The following NIPAL3 variants were observed in gnomAD, a reference collection of about 807,000 sequenced individuals.
The protein encoded by NIPAL3 is NIPA like domain containing 3.
A neutral mutation model predicts 47.2 loss-of-function variants in NIPAL3; 41 were observed. The observed-to-expected ratio is 0.87, with a 90% CI of 0.68 to 1.13. The LOEUF is 1.13. NIPAL3 is among the 50% of genes most tolerant of loss of function. The pLI, the probability that NIPAL3 is intolerant of heterozygous loss-of-function variation, is 0.00. For synonymous variants in NIPAL3, 194 were observed against 209.6 expected, an observed-to-expected ratio of 0.93 and a Z score of 0.64; for missense variants, 449 against 530.1, an observed-to-expected ratio of 0.85 and a Z score of 1.50.
chr1:24,472,862 G>A lies in NIPAL3; in HGVS notation c.*3677G>A, dbSNP rs554642828. 13 of 151,978 alleles carry A rather than the reference G, an allele frequency of 8.6e-5. No individual in the cohort carries two copies. The highest frequency in any genetic ancestry group is 4.2e-4 in the South Asian group (2 of 4,810). The allele number at this position is 151,978 out of a possible 1,614,324, so 9.4% of individuals were successfully genotyped here. ...AGTCACCTTAGAATATATTCTGTGC[G>A]GATGCTTATATTTTGTTAACTTCAC... On this transcript the variant is annotated 3_prime_UTR_variant, in exon 12 of 12. Coordinates refer to ENST00000374399, the MANE Select transcript of NIPAL3 (RefSeq NM_020448.5).
At chr1:24,431,190 G>A (rs148728604) in intron 2 of NIPAL3, among the ~76,000 whole-genome samples, 8 of 152,246 alleles carry the variant, frequency 5.3e-5, no homozygotes, top group Non-Finnish European at 1.2e-4. Context: ...TGGGATGGGC[G>A]TTACAGCATC....
rs143299584 is a variant in NIPAL3 at position 24,420,746 on chromosome 1, C to T, written c.93+1106C>T. ...CTTTTCGAATGATTGCCCAATAATCCGTTGAGCTGCTGTGTCAAAATTTGC... is the reference window on the plus strand; with the variant it reads ...CTTTTCGAATGATTGCCCAATAATCTGTTGAGCTGCTGTGTCAAAATTTGC... On this transcript the variant is annotated intron_variant, in intron 2 of 11. Coordinates refer to ENST00000374399, the MANE Select transcript of NIPAL3 (RefSeq NM_020448.5). Among the ~76,000 whole-genome samples, 92 of 152,222 alleles carry T rather than the reference C, an allele frequency of 6.0e-4. 1 individual carries two copies. The highest frequency in any genetic ancestry group is 6.8e-3 in the Middle Eastern group (2 of 294).
Position 24,451,781 on chromosome 1 carries a change from G to A in NIPAL3, c.541-1627G>A, listed in dbSNP as rs1645948395. On this transcript the variant is annotated intron_variant, in intron 6 of 11. Transcript: ENST00000374399. The surrounding 1 kb of genome is among the most constrained non-coding windows in gnomAD (Gnocchi z 4.5). ...CCCTCAAATGCAGGCACAGTGGTTG[G>A]GAATGTTGATGATTGACAGCACATC... Among the ~76,000 whole-genome samples, 1 of 152,148 alleles carries A rather than the reference G, an allele frequency of 6.6e-6. No individual in the cohort carries two copies.
At chr1:24,444,974 C>A (rs1307699736) in intron 4 of NIPAL3, among the ~76,000 whole-genome samples, 2 of 152,134 alleles carry the variant, frequency 1.3e-5, no homozygotes, top group African/African-American at 2.4e-5. Flanking sequence ...ATGCTTCTAG[C>A]CTTGTAGGAA....
Position 24,440,216 on chromosome 1 carries a change from G to A in NIPAL3, c.138G>A (p.Val46=), listed in dbSNP as rs927668690. The A allele has an allele frequency of 3.1e-6, 5 of 1,597,230 alleles. No homozygotes were observed. In the African/African-American group the frequency reaches 6.7e-5, roughly 22 times the overall value. Residue 46 remains valine (V), a synonymous_variant, in exon 3 of 12, where the codon GTG becomes GTA. Coordinates refer to ENST00000374399, the MANE Select transcript of NIPAL3 (RefSeq NM_020448.5). ...GALLAIFGHL[V]VSIALNLQKY... ...TCTTGGCGATCTTCGGGCACCTCGTGGTCAGCATTGCACTTAACCTCCAGG... is the reference window on the plus strand; with the variant it reads ...TCTTGGCGATCTTCGGGCACCTCGTAGTCAGCATTGCACTTAACCTCCAGG...
intron 2 of NIPAL3, among the ~76,000 whole-genome samples, chr1:24,426,453 T>C (rs2281186): frequency 0.76 from 114,943 of 152,078 alleles, 44,365 homozygotes; most frequent in African/African-American, 0.94. Context: ...TGCCACCACC[T>C]CCAGCTAATT....
intron 9 of NIPAL3, 86 bp downstream of exon 9, chr1:24,459,062 C>G (rs1646351834): frequency 8.8e-7 from 1 of 1,142,186 alleles, no homozygotes; most frequent in African/African-American, 1.5e-5. Context: ...ATTCTGCTGA[C>G]TTGTTCTCCC....
At chr1:24,427,802 C>A (rs976568389) in intron 2 of NIPAL3, among the ~76,000 whole-genome samples, 1 of 152,138 alleles carries the variant, frequency 6.6e-6, no homozygotes, top group Non-Finnish European at 1.5e-5. Flanking sequence ...TAGTAACTAT[C>A]GGGGATCAGA....
At position 24,468,997 on chromosome 1, in the gene NIPAL3, A is replaced by C; in HGVS notation, c.1033A>C (p.Met345Leu). Residue 345 changes from methionine to leucine, a missense_variant, in exon 12 of 12, where the codon ATG becomes CTG. Coordinates refer to ENST00000374399, the MANE Select transcript of NIPAL3 (RefSeq NM_020448.5). ...SMDAMPGMQN[M>L]HDKGMTVQPE... ...GGATTTCATTTCAGGTATGCAGAAC[A>C]TGCACGATAAAGGGATGACTGTCCA... 2 of 1,614,172 alleles carry C rather than the reference A, an allele frequency of 1.2e-6. No individual in the cohort carries two copies. Among genetic ancestry groups the C allele is most frequent in the Non-Finnish European group, 1.7e-6 (2 of 1,180,018 alleles).
chr1:24,456,040 T>C, intron 7 of NIPAL3, 98 bp from the exon 8 acceptor site: 1 of 1,436,072 alleles, frequency 7.0e-7, no homozygotes, highest in Non-Finnish European at 9.6e-7. Context: ...CCCTCCCCTC[T>C]GTCTCCCCAA....
chr1:24,419,789 A>G, intron 2 of NIPAL3, 149 bp downstream of exon 2: 2 of 692,892 alleles, frequency 2.9e-6, no homozygotes, highest in South Asian at 1.8e-5. Flanking sequence ...GGGAATGTGT[A>G]AGCAAAAGAC....
chr1:24,428,298 GAGAGAC>G lies in NIPAL3; in HGVS notation c.93+8660_93+8665del, dbSNP rs753053760. ...AGAGAGAGAGAGAGAGAGAGAGAGAGAGAGACACCAGAACCTTTCCCCAAAGCCAGC... is the reference window on the plus strand; with the variant it reads ...AGAGAGAGAGAGAGAGAGAGAGAGAGACCAGAACCTTTCCCCAAAGCCAGC... On this transcript the variant is annotated intron_variant, in intron 2 of 11. Transcript: ENST00000374399. Among the ~76,000 whole-genome samples the G allele has an allele frequency of 4.6e-3, 636 of 138,212 alleles. 6 individuals are homozygous for G. The highest frequency in any genetic ancestry group is 9.5e-3 in the East Asian group (44 of 4,628). 90.7% of individuals were successfully genotyped at this position (138,212 alleles called of 152,430 possible).
intron 7 of NIPAL3, chr1:24,453,907 A>C (rs1233579736): frequency 2.4e-6 from 1 of 413,906 alleles, no homozygotes; most frequent in Non-Finnish European, 4.7e-6. Flanking sequence ...TTAGGGATTC[A>C]TTCTGATTCA....
intron 7 of NIPAL3, among the ~76,000 whole-genome samples, chr1:24,455,917 C>T (rs1646176774): frequency 6.6e-6 from 1 of 152,150 alleles, no homozygotes; most frequent in Non-Finnish European, 1.5e-5. Context: ...TTCCTCCCTC[C>T]TTTAGGATGT....
At chr1:24,429,484 G>A (rs1644780894) in intron 2 of NIPAL3, among the ~76,000 whole-genome samples, 2 of 152,142 alleles carry the variant, frequency 1.3e-5, no homozygotes, top group Admixed American at 1.3e-4. Context: ...TTTATGTGTT[G>A]AAAATTTTAC....
At position 24,466,211 on chromosome 1, in the gene NIPAL3, C is replaced by T. The variant is rs930114571; in HGVS notation, c.1021+2091C>T. 5.5e-6 allele frequency: 5 copies of T among 912,868 alleles called. No individual in the cohort carries two copies. In the Admixed American group the frequency reaches 1.1e-4, roughly 19 times the overall value. The allele number at this position is 912,868 out of a possible 1,614,324, so 56.5% of individuals were successfully genotyped here. ...CTTTCCTGTGGAACAGAAACAATTT[C>T]ACAGAACATCAGCAGCAGACAAGGC... On this transcript the variant is annotated intron_variant, in intron 11 of 11. Transcript: ENST00000374399.
intron 10 of NIPAL3, among the ~76,000 whole-genome samples, chr1:24,462,135 AG>A (rs988997106): frequency 6.6e-6 from 1 of 152,158 alleles, no homozygotes; most frequent in Admixed American, 6.5e-5. Context: ...TGCCAAGCAA[AG>A]GGGGAAAAGC....
chr1:24,468,352 C>T (rs12094605), intron 11 of NIPAL3, among the ~76,000 whole-genome samples: 2,468 of 152,008 alleles, frequency 0.016, 72 homozygotes, highest in African/African-American at 0.056. Context: ...AAACAAACTG[C>T]GTCCCTCCTG....
At chr1:24,420,781 C>T (rs574405237) in intron 2 of NIPAL3, among the ~76,000 whole-genome samples, 155 of 152,278 alleles carry the variant, frequency 1.0e-3, no homozygotes, top group Middle Eastern at 3.4e-3. Flanking sequence ...CTCAACAGAT[C>T]CTCATTGCTG....
Sources: allele counts gnomAD v4.1 joint callset (sites outside exome capture counted in the v4.1 genomes callset), GRCh38; gene constraint gnomAD v4.1.1; non-coding constraint Gnocchi (gnomAD v3.1); transcripts MANE v1.5; gene names NCBI Gene and HGNC (gene_info 2026-07-23, HGNC 2026-07-21).